The following LVRN variants were observed in gnomAD, a reference collection of about 807,000 sequenced individuals.
LVRN encodes laeverin.
Under a neutral mutation model 111.4 loss-of-function variants are expected in LVRN, and 99 were observed. That is an observed-to-expected ratio of 0.89 (90% CI 0.76 to 1.05). The LOEUF (loss-of-function observed/expected upper bound fraction) is 1.05. LVRN is among the 50% of genes least tolerant of loss of function. The probability of loss-of-function intolerance (pLI) is 0.00; values close to 1 mark genes in which losing one functional copy is unlikely to be tolerated. For synonymous variants in LVRN, 488 were observed against 449.5 expected (o/e 1.09, Z -1.08); for missense variants, 1,414 against 1,206.8 (o/e 1.17, Z -2.54).
intron 18 of LVRN, among the ~76,000 whole-genome samples, chr5:116,017,943 C>T (rs1345460761): frequency 6.6e-6 from 1 of 152,028 alleles, no homozygotes; most frequent in Admixed American, 6.6e-5. Context: ...TAGAATGAAA[C>T]ACACATTAAT....
chr5:115,997,849 A>G (rs1279646278), intron 6 of LVRN, among the ~76,000 whole-genome samples: 1 of 152,218 alleles, frequency 6.6e-6, no homozygotes, highest in Admixed American at 6.5e-5. Context: ...GGCTACAGAC[A>G]GCATCACTTT....
intron 1 of LVRN, among the ~76,000 whole-genome samples, chr5:115,964,019 CAT>C (rs778699572): frequency 9.8e-5 from 15 of 152,334 alleles, no homozygotes; most frequent in East Asian, 1.9e-4. Context: ...GAAATGCAGA[CAT>C]GTGTTCTTTT....
chr5:116,026,222 G>T lies in LVRN; in HGVS notation c.*104G>T. On this transcript the variant is annotated 3_prime_UTR_variant, in exon 20 of 20. Transcript: ENST00000357872. ...GTCTGGAAAACCACACATTTTATTT[G>T]TATTTCAGTCACATTTATTACTCAG... The T allele has an allele frequency of 6.7e-7, 1 of 1,486,796 alleles. No individual in the cohort carries two copies. Among genetic ancestry groups the T allele is most frequent in the South Asian group, 1.2e-5 (1 of 82,266 alleles). 92.1% of individuals were successfully genotyped at this position (1,486,796 alleles called of 1,614,324 possible).
intron 15 of LVRN, among the ~76,000 whole-genome samples, chr5:116,013,257 A>C (rs1291009781): frequency 2.0e-5 from 3 of 152,194 alleles, no homozygotes; most frequent in Non-Finnish European, 4.4e-5. Context: ...TTTAGTGCTA[A>C]GGGATGTGAT....
At chr5:115,974,857 A>G (rs2112559576) in intron 1 of LVRN, 2 of 380,532 alleles carry the variant, frequency 5.3e-6, no homozygotes, top group East Asian at 1.3e-4. Flanking sequence ...AACATTCTCT[A>G]ATGCTCTCTC....
chr5:116,015,532 A>G (rs1748585550), intron 17 of LVRN, 96 bp from the exon 18 acceptor site: 1 of 1,486,130 alleles, frequency 6.7e-7, no homozygotes, highest in Non-Finnish European at 9.0e-7. Flanking sequence ...TTTGTGCTTC[A>G]CTACCTTAGA....
intron 15 of LVRN, among the ~76,000 whole-genome samples, chr5:116,012,751 C>T (rs931031651): frequency 6.6e-6 from 1 of 152,134 alleles, no homozygotes; most frequent in African/African-American, 2.4e-5. Context: ...TAAATGTGTC[C>T]TACTATTGGT....
chr5:115,973,423 T>G lies in LVRN; in HGVS notation c.696-9864T>G, dbSNP rs531715445. Reference sequence around the variant, plus strand: ...TCAAAGTAACACTGGCTTCAAATAATGCATTCAGAAGTATTCCCTTTTCCT... The same window carrying G: ...TCAAAGTAACACTGGCTTCAAATAAGGCATTCAGAAGTATTCCCTTTTCCT... On this transcript the variant is annotated intron_variant, in intron 1 of 19. Coordinates refer to ENST00000357872, the MANE Select transcript of LVRN (RefSeq NM_173800.5). Among the ~76,000 whole-genome samples, 6 of 152,368 alleles carry G rather than the reference T, an allele frequency of 3.9e-5. No individual in the cohort carries two copies. In the South Asian group the frequency reaches 1.2e-3, roughly 32 times the overall value.
intron 15 of LVRN, among the ~76,000 whole-genome samples, chr5:116,013,986 A>G (rs1393738720): frequency 6.6e-6 from 1 of 152,198 alleles, no homozygotes; most frequent in East Asian, 1.9e-4. Flanking sequence ...AGAGAAATGA[A>G]CTATTCCCTT....
chr5:116,016,839 C>T (rs533141258), intron 18 of LVRN, among the ~76,000 whole-genome samples: 1 of 151,164 alleles, frequency 6.6e-6, no homozygotes, highest in African/African-American at 2.4e-5. Context: ...AATTTTCCAA[C>T]CCTCTCATTT....
At position 116,021,326 on chromosome 5, in the gene LVRN, T is replaced by C. The variant is rs77520814; in HGVS notation, c.2757-1065T>C. 803 of 152,536 alleles carry C rather than the reference T, an allele frequency of 5.3e-3. 5 individuals carry two copies. The highest frequency in any genetic ancestry group is 9.5e-3 in the Non-Finnish European group (651 of 68,170). 9.4% of individuals were successfully genotyped at this position (152,536 alleles called of 1,614,324 possible). ...CATTTTTATTTTTAAGGTTGGAATTTGGGTTCTTTGGAACTCAAATTTCTT... is the reference window on the plus strand; with the variant it reads ...CATTTTTATTTTTAAGGTTGGAATTCGGGTTCTTTGGAACTCAAATTTCTT... On this transcript the variant is annotated intron_variant, in intron 18 of 19. Coordinates refer to ENST00000357872, the MANE Select transcript of LVRN (RefSeq NM_173800.5).
intron 1 of LVRN, among the ~76,000 whole-genome samples, chr5:115,980,827 C>G (rs1283767085): frequency 6.6e-6 from 1 of 152,068 alleles, no homozygotes; most frequent in Non-Finnish European, 1.5e-5. Flanking sequence ...TTTCAGAGGG[C>G]TCAAAGACCT....
At chr5:116,019,448 T>C (rs916191027) in intron 18 of LVRN, among the ~76,000 whole-genome samples, 2 of 152,188 alleles carry the variant, frequency 1.3e-5, no homozygotes, top group Admixed American at 6.5e-5. Context: ...TACAACAGGG[T>C]TCACTCTTGG....
chr5:116,000,633 A>T lies in LVRN; in HGVS notation c.1622A>T (p.Asp541Val). Residue 541 changes from aspartate to valine, a missense_variant, in exon 9 of 20, where the codon GAT becomes GTT. Asp to Val is a radical substitution (Grantham distance 152, BLOSUM62 -3). Transcript: ENST00000357872. ...TTTTCCTACTCAAACGCTGAGCAAGATGATCTATGGAGGCATTTTCAAATG... is the reference window on the plus strand; with the variant it reads ...TTTTCCTACTCAAACGCTGAGCAAGTTGATCTATGGAGGCATTTTCAAATG... ...KTFSYSNAEQ[D>V]DLWRHFQMAI... 1 of 1,614,038 alleles carries T rather than the reference A, an allele frequency of 6.2e-7. No individual in the cohort carries two copies. Among genetic ancestry groups the T allele is most frequent in the Non-Finnish European group, 8.5e-7 (1 of 1,179,966 alleles).
intron 13 of LVRN, among the ~76,000 whole-genome samples, chr5:116,009,788 A>T (rs1748448469): frequency 6.6e-6 from 1 of 152,204 alleles, no homozygotes; most frequent in African/African-American, 2.4e-5. Context: ...CTTATGGATG[A>T]GCAAGGAAAG....
At chr5:115,967,920 A>G (rs752708343) in intron 1 of LVRN, among the ~76,000 whole-genome samples, 6 of 152,136 alleles carry the variant, frequency 3.9e-5, no homozygotes, top group Non-Finnish European at 8.8e-5. Context: ...GCTGCTTTGT[A>G]TGTTGATCTT....
Position 116,001,102 on chromosome 5 carries a change from A to G in LVRN, c.1683A>G (p.Ala561=), listed in dbSNP as rs758851092. ...ACCAGAGTACAGTTATTTTGCCAGC[A>G]ACAATAAAAAACATAATGGACAGTT... is the stretch of plus-strand genomic sequence containing the variant. The part of the protein sequence containing the change: ...IDDQSTVILP[A]TIKNIMDSWT... The change falls in exon 10 of 20, where the codon GCA becomes GCG. Residue 561 remains alanine (A), a synonymous_variant. Coordinates refer to ENST00000357872, the MANE Select transcript of LVRN (RefSeq NM_173800.5). 6.2e-7 allele frequency: 1 copy of G among 1,611,216 alleles called. No homozygotes were observed. Among genetic ancestry groups the G allele is most frequent in the Non-Finnish European group, 8.5e-7 (1 of 1,179,222 alleles).
At chr5:115,963,670 G>A (rs1163291721) in intron 1 of LVRN, among the ~76,000 whole-genome samples, 1 of 152,118 alleles carries the variant, frequency 6.6e-6, no homozygotes, top group Non-Finnish European at 1.5e-5. Context: ...AGAACACTTG[G>A]ACACAGGAAG....
intron 6 of LVRN, among the ~76,000 whole-genome samples, chr5:115,999,234 A>G (rs1748185715): frequency 6.6e-6 from 1 of 152,238 alleles, no homozygotes; most frequent in Non-Finnish European, 1.5e-5. Context: ...TTATTAAAAT[A>G]TAATAAATTG....
Sources: gnomAD v4.1 joint callset for allele counts (sites outside exome capture counted in the v4.1 genomes callset) on GRCh38, gnomAD v4.1.1 for gene constraint, MANE v1.5 for transcripts, NCBI Gene and HGNC (gene_info 2026-07-23, HGNC 2026-07-21) for gene names.